NOP14: variants seen among roughly 807,000 people sequenced by gnomAD.
The protein encoded by NOP14 is NOP14 nucleolar protein.
A neutral mutation model predicts 101.6 loss-of-function variants in NOP14; 57 were observed. The observed-to-expected ratio is 0.56, with a 90% confidence interval of 0.45 to 0.70. The LOEUF (loss-of-function observed/expected upper bound fraction) is 0.70, where lower values mean the gene tolerates loss of function less well. NOP14 is among the 30% of genes least tolerant of loss of function. The pLI is 0.00. For missense variants in NOP14, 1,134 were observed against 1,075.5 expected, an observed-to-expected ratio of 1.05 and a Z score of -0.76; for synonymous variants, 428 against 424.0, an observed-to-expected ratio of 1.01 and a Z score of -0.12.
At position 2,950,674 on chromosome 4, in the gene NOP14, G is replaced by A. The variant is rs549734217; in HGVS notation, c.1002+440C>T. 1.1e-4 allele frequency: 22 copies of A among 193,586 alleles called. No individual in the cohort carries two copies. In the East Asian group the frequency reaches 2.8e-3, roughly 25 times the overall value. The allele number at this position is 193,586 out of a possible 1,614,324, so 12.0% of individuals were successfully genotyped here. ...TGATACACTCTTAAAACGAGAAAAG[G>A]GTACCGATTTATAAAGTTCGTGAAT... On this transcript the variant is annotated intron_variant, in intron 7 of 17. Coordinates refer to ENST00000416614, the MANE Select transcript of NOP14 (RefSeq NM_001291978.2).
Position 2,963,151 on chromosome 4 carries a change from C to G in NOP14, c.169G>C (p.Val57Leu), listed in dbSNP as rs369011921. ...KTRHDVGLPG[V>L]SRARALRKRT... ...TTCCTGAGGGCCCGTGCGCGAGACA[C>G]CCCGGGCAGTCCCACGTCGTGGCGC... Residue 57 changes from valine to leucine, a missense_variant, in exon 1 of 18, where the codon GTG (valine) becomes CTG (leucine). By Grantham distance (32) the Val-to-Leu change is conservative (BLOSUM62 1). Coordinates refer to ENST00000416614, the MANE Select transcript of NOP14 (RefSeq NM_001291978.2). 2.4e-5 allele frequency: 37 copies of G among 1,571,876 alleles called. No homozygotes were observed. The highest frequency in any genetic ancestry group is 1.7e-4 in the Middle Eastern group (1 of 5,944).
chr4:2,959,357 C>T (rs1715552646), intron 1 of NOP14, among the ~76,000 whole-genome samples: 2 of 152,164 alleles, frequency 1.3e-5, no homozygotes, highest in Non-Finnish European at 2.9e-5. Flanking sequence ...CTCTGGGAGG[C>T]CAAGGCGGGC....
Position 2,938,393 on chromosome 4 carries a change from G to A in NOP14, c.*438C>T. 2.6e-6 allele frequency: 1 copy of A among 392,154 alleles called. No homozygotes were observed. The highest frequency in any genetic ancestry group is 5.0e-6 in the Non-Finnish European group (1 of 200,692). The allele number at this position is 392,154 out of a possible 1,614,324, so 24.3% of individuals were successfully genotyped here. On this transcript the variant is annotated 3_prime_UTR_variant, in exon 18 of 18. Transcript: ENST00000416614. Reference sequence around the variant, plus strand: ...AAATTAGCTGGGCGTGGTGGCACATGTCTGTAATCCCAGCTACTCGGGAGG... The same window carrying A: ...AAATTAGCTGGGCGTGGTGGCACATATCTGTAATCCCAGCTACTCGGGAGG...
rs13137379 is a variant in NOP14, at chr4:2,960,990, G to A, written c.195+2135C>T. On this transcript the variant is annotated intron_variant, in intron 1 of 17. Transcript: ENST00000416614. Reference sequence around the variant, plus strand: ...ATCAATATTATATTAATATTATATCGATATTATTTTAATATTATATCAATA... The same window carrying A: ...ATCAATATTATATTAATATTATATCAATATTATTTTAATATTATATCAATA... 7.4e-3 allele frequency among the ~76,000 whole-genome samples: 46 copies of A among 6,198 alleles called. 1 individual carries two copies. Among genetic ancestry groups the A allele is most frequent in the African/African-American group, 0.018 (24 of 1,334 alleles). The allele number at this position is 6,198 out of a possible 152,430, so 4.1% of individuals were successfully genotyped here. A position where few individuals can be genotyped will look rare whatever the true frequency, so the allele number is the denominator to read the frequency against.
chr4:2,950,392 G>T, intron 7 of NOP14, 179 bp from the exon 8 acceptor site: 1 of 642,610 alleles, frequency 1.6e-6, no homozygotes, highest in Non-Finnish European at 2.7e-6. Flanking sequence ...CCGCTTCTAG[G>T]CTATTCGAGC....
At chr4:2,956,490 T>TAAA (rs537003822) in intron 3 of NOP14, among the ~76,000 whole-genome samples, 180 bp downstream of exon 3, 1 of 148,962 alleles carries the variant, frequency 6.7e-6, no homozygotes, top group East Asian at 2.0e-4. Flanking sequence ...TCTGAAAACT[T>TAAA]AAAAAAAAAA....
At chr4:2,961,539 G>C (rs1251166939) in intron 1 of NOP14, 3 of 152,182 alleles carry the variant, frequency 2.0e-5, no homozygotes. Context: ...TCCTGCGCCG[G>C]CCTCACGGCC....
rs1283580853 is a variant in NOP14 at position 2,938,563 on chromosome 4, C to CA, written c.*267dup. The CA allele has an allele frequency of 2.1e-6, 1 of 481,454 alleles. No homozygotes were observed. The highest frequency in any genetic ancestry group is 4.1e-5 in the East Asian group (1 of 24,678). The allele number at this position is 481,454 out of a possible 1,614,324, so 29.8% of individuals were successfully genotyped here. A position where few individuals can be genotyped will look rare whatever the true frequency, so the allele number is the denominator to read the frequency against. On this transcript the variant is annotated 3_prime_UTR_variant, in exon 18 of 18. Transcript: ENST00000416614. Reference sequence around the variant, plus strand: ...TTGCACTGTGGCCGAGGCTGGAGTGCAGTGGCTCAATCACGGCTCACTGTA... The same window carrying CA: ...TTGCACTGTGGCCGAGGCTGGAGTGCAAGTGGCTCAATCACGGCTCACTGTA...
rs144192491 is a variant in NOP14 at position 2,939,189 on chromosome 4, G to A, written c.2473C>T (p.Arg825Trp). 117 of 1,613,784 alleles carry A rather than the reference G, an allele frequency of 7.3e-5. No individual in the cohort carries two copies. The highest frequency in any genetic ancestry group is 1.3e-4 in the East Asian group (6 of 44,896). ...ARMQLSEIME[R>W]DAERKRKVKQ... ...GTCGCACACACACGTCCCCCTCACC[G>A]TTCCATGATTTCTGAGAGTTGCATC... The change falls in exon 17 of 18, where the codon CGG (arginine) becomes TGG (tryptophan). Residue 825 changes from arginine to tryptophan, a missense_variant and splice_region_variant. Arg to Trp is a moderately radical substitution (Grantham distance 101). Transcript: ENST00000416614.
At chr4:2,955,095 G>GGCGCCCCCTCTAGTCACCTGCGCCACA (rs1309637590) in intron 3 of NOP14, among the ~76,000 whole-genome samples, 2 of 127,244 alleles carry the variant, frequency 1.6e-5, no homozygotes, top group African/African-American at 6.1e-5. Flanking sequence ...CCTGCGCCAC[G>GGCGCCCCCTCTAGTCACCTGCGCCACA]GCGCCCCCTC....
chr4:2,951,001 G>A (rs1291764405), intron 7 of NOP14, 113 bp downstream of exon 7: 1 of 1,005,284 alleles, frequency 9.9e-7, no homozygotes, highest in African/African-American at 1.6e-5. Context: ...TAGAGAAACT[G>A]GTTAAAAAGA....
chr4:2,938,878 G>A lies in NOP14; in HGVS notation c.2527C>T (p.Gln843Ter), dbSNP rs1378487042. Residue 843 changes from glutamine (Q) to a stop codon, truncating the protein, a stop_gained, in exon 18 of 18, where the codon CAG becomes TAG. Transcript: ENST00000416614. LOFTEE classifies it high-confidence loss of function. ...VKQLFNSLATQEGEWKALKRK... is the reference protein window; with the variant it reads ...VKQLFNSLAT ...TTCAGAGCCTTCCATTCGCCTTCCT[G>A]TGTAGCCAGGCTGTTAAAAAGCTGC... is the stretch of plus-strand genomic sequence containing the variant. 1 of 1,614,006 alleles carries A rather than the reference G, an allele frequency of 6.2e-7. No individual in the cohort carries two copies. Among genetic ancestry groups the A allele is most frequent in the Non-Finnish European group, 8.5e-7 (1 of 1,180,018 alleles).
At chr4:2,949,892 A>T (rs1201387386) in intron 8 of NOP14, 42 bp downstream of exon 8, 1 of 1,610,790 alleles carries the variant, frequency 6.2e-7, no homozygotes, top group Non-Finnish European at 8.5e-7. Flanking sequence ...CCAGGTCATA[A>T]AGGTTATCCC....
In NOP14 at chr4:2,963,186, C is replaced by T; in HGVS notation, c.134G>A (p.Gly45Asp). ...TCCCACGTCGTGGCGCGTCTTCCGG[C>T]CCAGGATCTGGAACTTCTGCCTGTT... ...KVNRQKFQIL[G>D]RKTRHDVGLP... is the part of the protein sequence containing the mutation. Residue 45 changes from glycine to aspartate, a missense_variant, in exon 1 of 18, where the codon GGC becomes GAC. Physicochemically the swap from Gly to Asp is moderately conservative, Grantham distance 94. Transcript: ENST00000416614. The T allele has an allele frequency of 1.3e-6, 2 of 1,581,866 alleles. No individual in the cohort carries two copies. Among genetic ancestry groups the T allele is most frequent in the Non-Finnish European group, 1.7e-6 (2 of 1,166,614 alleles).
chr4:2,942,836 C>G (rs1714313158), intron 13 of NOP14, among the ~76,000 whole-genome samples: 1 of 115,876 alleles, frequency 8.6e-6, no homozygotes, highest in Non-Finnish European at 1.8e-5. Flanking sequence ...CAGCAAAGGC[C>G]TGTAGGACGC....
rs773074218 is a variant in NOP14, at chr4:2,949,922, G to A, written c.1282+12C>T. ...TATCCCAGAACCTGAGGAAACCCGC[G>A]CACTTGCCCACCTGCGAACGTGTAG... On this transcript the variant is annotated intron_variant, in intron 8 of 17. Transcript: ENST00000416614. The A allele has an allele frequency of 2.0e-5, 33 of 1,613,696 alleles. No homozygotes were observed. The highest frequency in any genetic ancestry group is 2.6e-5 in the Non-Finnish European group (31 of 1,179,768).
chr4:2,949,829 C>T (rs144679598), intron 8 of NOP14, 105 bp downstream of exon 8: 2 of 1,335,342 alleles, frequency 1.5e-6, no homozygotes, highest in East Asian at 2.3e-5. Flanking sequence ...CATCCTTGGT[C>T]CCCATTCCAC....
At chr4:2,957,093 C>T (rs1212251446) in intron 2 of NOP14, among the ~76,000 whole-genome samples, 1 of 152,122 alleles carries the variant, frequency 6.6e-6, no homozygotes, top group African/African-American at 2.4e-5. Context: ...CCTCTGACTC[C>T]CTGGTTCAAG....
chr4:2,960,877 A>G (rs1215553773), intron 1 of NOP14, among the ~76,000 whole-genome samples: 1 of 67,140 alleles, frequency 1.5e-5, no homozygotes, highest in Non-Finnish European at 3.3e-5. Context: ...TTATAATTAC[A>G]TTATTATTAT....
Sources: allele counts gnomAD v4.1 joint callset (sites outside exome capture counted in the v4.1 genomes callset), GRCh38; gene constraint gnomAD v4.1.1; transcripts MANE v1.5; gene names NCBI Gene and HGNC (gene_info 2026-07-23, HGNC 2026-07-21).